The following RORA variants were observed in gnomAD, a reference collection of about 807,000 sequenced individuals.
The protein encoded by RORA is nuclear receptor ROR-alpha.
A neutral mutation model predicts 69.5 loss-of-function variants in RORA; 7 were observed. That is an observed-to-expected ratio of 0.10 (90% CI 0.06 to 0.19). The LOEUF is 0.19. Ranked by LOEUF, RORA falls within the 10% of genes least tolerant of loss-of-function variation. The pLI is 1.00. For synonymous variants in RORA, 261 were observed against 240.8 expected, an observed-to-expected ratio of 1.08 and a Z score of -0.78; for missense variants, 457 against 663.0, an observed-to-expected ratio of 0.69 and a Z score of 3.41.
intron 2 of RORA, among the ~76,000 whole-genome samples, chr15:60,655,389 G>A (rs2070205195): frequency 6.6e-6 from 1 of 152,152 alleles, no homozygotes; most frequent in East Asian, 1.9e-4. Flanking sequence ...CTGGGAGCAA[G>A]TAAAGGAGAC....
At chr15:60,842,657 T>C (rs1424551234) in intron 1 of RORA, among the ~76,000 whole-genome samples, 2 of 152,152 alleles carry the variant, frequency 1.3e-5, no homozygotes, top group Non-Finnish European at 2.9e-5. Context: ...CACTGCCCCT[T>C]CTACCTGAAC....
chr15:60,886,999 C>T (rs1217398544), intron 1 of RORA, among the ~76,000 whole-genome samples: 3 of 152,192 alleles, frequency 2.0e-5, no homozygotes, highest in Admixed American at 1.3e-4. Context: ...TTGTGCTCCT[C>T]GGCTACAAGA....
chr15:60,679,461 CTA>C (rs2070608987), intron 1 of RORA, among the ~76,000 whole-genome samples: 1 of 152,204 alleles, frequency 6.6e-6, no homozygotes, highest in African/African-American at 2.4e-5. Context: ...GCAAACAACA[CTA>C]TCTCCATTTC....
intron 1 of RORA, among the ~76,000 whole-genome samples, chr15:61,057,122 C>T (rs937004072): frequency 6.6e-6 from 1 of 152,178 alleles, no homozygotes; most frequent in African/African-American, 2.4e-5. Context: ...AAGGGTATCT[C>T]AGGCTGCCAG....
At chr15:61,093,123 A>G (rs1042311031) in intron 1 of RORA, among the ~76,000 whole-genome samples, 12 of 152,180 alleles carry the variant, frequency 7.9e-5, no homozygotes, top group Non-Finnish European at 1.8e-4. Context: ...CTGATGGCTA[A>G]TACCTATCTC....
At chr15:60,805,884 A>G (rs1226863363) in intron 1 of RORA, among the ~76,000 whole-genome samples, 1 of 152,134 alleles carries the variant, frequency 6.6e-6, no homozygotes, top group Non-Finnish European at 1.5e-5. Flanking sequence ...CTTTTCCTTT[A>G]CACAATGTTC....
chr15:60,750,820 G>T (rs1341204470), intron 1 of RORA, among the ~76,000 whole-genome samples: 1 of 152,194 alleles, frequency 6.6e-6, no homozygotes, highest in African/African-American at 2.4e-5. Context: ...GAGGGAATTG[G>T]CTGGCACTGT....
chr15:60,849,951 G>C (rs756851131), intron 1 of RORA, among the ~76,000 whole-genome samples: 1 of 152,180 alleles, frequency 6.6e-6, no homozygotes, highest in Non-Finnish European at 1.5e-5. Context: ...CTGTCATTGA[G>C]AGAAACAGAA....
intron 1 of RORA, among the ~76,000 whole-genome samples, chr15:61,045,859 T>G (rs1234420497): frequency 3.3e-5 from 5 of 152,212 alleles, no homozygotes; most frequent in African/African-American, 4.8e-5. Flanking sequence ...AAGCCATATT[T>G]TTCCCCCTTA....
At chr15:61,096,073 T>C (rs983230962) in intron 1 of RORA, among the ~76,000 whole-genome samples, 4 of 152,184 alleles carry the variant, frequency 2.6e-5, no homozygotes, top group Admixed American at 1.3e-4. Context: ...GGAGATTGGC[T>C]CTTCTTGGTG....
intron 1 of RORA, among the ~76,000 whole-genome samples, chr15:60,774,502 C>T (rs534578150): frequency 5.5e-4 from 84 of 152,288 alleles, no homozygotes; most frequent in Middle Eastern, 3.4e-3. Flanking sequence ...TGGGTATTCC[C>T]GCTTCTGCTA....
intron 1 of RORA, among the ~76,000 whole-genome samples, chr15:60,773,251 T>G (rs993084054): frequency 6.6e-6 from 1 of 152,204 alleles, no homozygotes; most frequent in African/African-American, 2.4e-5. Flanking sequence ...AACTTTGACT[T>G]GAAGAATGAT....
chr15:60,744,715 A>G (rs1424544993), intron 1 of RORA, among the ~76,000 whole-genome samples: 1 of 152,226 alleles, frequency 6.6e-6, no homozygotes, highest in Non-Finnish European at 1.5e-5. Context: ...CTTGGACAGC[A>G]TGATATTCAG....
chr15:61,212,965 C>T (rs529198549), intron 1 of RORA, among the ~76,000 whole-genome samples: 3 of 152,308 alleles, frequency 2.0e-5, no homozygotes, highest in African/African-American at 7.2e-5. Flanking sequence ...GTGCCAGATA[C>T]TTGCTATTGC....
intron 1 of RORA, among the ~76,000 whole-genome samples, chr15:60,810,391 T>C (rs2072724743): frequency 6.6e-6 from 1 of 152,060 alleles, no homozygotes; most frequent in South Asian, 2.1e-4. Flanking sequence ...CCAAGGGCCT[T>C]CTTGTGTTTG....
intron 1 of RORA, among the ~76,000 whole-genome samples, chr15:60,852,011 C>T (rs535330241): frequency 6.6e-6 from 1 of 152,078 alleles, no homozygotes; most frequent in Admixed American, 6.6e-5. Context: ...ATTTACTGAG[C>T]GAGCTGGGGA....
At chr15:60,798,103 A>G (rs556638080) in intron 1 of RORA, among the ~76,000 whole-genome samples, 93 of 151,996 alleles carry the variant, frequency 6.1e-4, no homozygotes, top group Admixed American at 4.6e-4. Flanking sequence ...CCGTCTGGCA[A>G]TAGTCACTAA....
At chr15:60,720,687 G>A (rs1237067937) in intron 1 of RORA, among the ~76,000 whole-genome samples, 1 of 152,114 alleles carries the variant, frequency 6.6e-6, no homozygotes, top group Non-Finnish European at 1.5e-5. Flanking sequence ...TTAATTTCTC[G>A]AATCGATCCT....
In RORA at chr15:61,193,860, G is replaced by C. The variant is rs1326669766; in HGVS notation, c.166+35193C>G. On this transcript the variant is annotated intron_variant, in intron 1 of 10. Transcript: ENST00000335670. ...GCATTTCCACCATATGCCACCTTGA[G>C]ACACTAACCTTAGCGGATGGCTCCA... 2.0e-5 allele frequency among the ~76,000 whole-genome samples: 3 copies of C among 152,162 alleles called. No individual in the cohort carries two copies. The East Asian group carries it at 5.8e-4, about 29-fold the overall frequency.
Sources: allele counts gnomAD v4.1 joint callset (sites outside exome capture counted in the v4.1 genomes callset), GRCh38; gene constraint gnomAD v4.1.1; transcripts MANE v1.5; gene names NCBI Gene and HGNC (gene_info 2026-07-23, HGNC 2026-07-21).